The following AKAP19 variants were observed in gnomAD, a reference collection of about 807,000 sequenced individuals.
AKAP19 encodes the protein A-kinase anchoring protein 19.
At chr2:190,124,476 C>T in the AKAP19 span, among the ~76,000 whole-genome samples, 2 of 152,154 alleles carry the variant, frequency 1.3e-5, no homozygotes, top group Admixed American at 1.3e-4. Flanking sequence ...TGGAAAACTA[C>T]AGCATAAAAG....
chr2:190,180,792 G>C, the AKAP19 span: 1 of 985,316 alleles, frequency 1.0e-6, no homozygotes. This position sits in a 1 kb window ranked among gnomAD's most constrained non-coding sequence, Gnocchi z 6.8. Context: ...AGGAGCGCGC[G>C]GCGGGCGCGG....
chr2:189,919,431 T>TAA, the AKAP19 span, among the ~76,000 whole-genome samples: 1 of 145,340 alleles, frequency 6.9e-6, no homozygotes. Context: ...TTCTTTATTC[T>TAA]AAAAAAAAAA....
the AKAP19 span, among the ~76,000 whole-genome samples, chr2:189,897,765 T>A: frequency 0.015 from 2,212 of 152,344 alleles, 56 homozygotes; most frequent in African/African-American, 0.051. Flanking sequence ...AAAGCTTATC[T>A]TCCAACTTCT....
At chr2:189,991,028 C>T in the AKAP19 span, among the ~76,000 whole-genome samples, 1 of 152,116 alleles carries the variant, frequency 6.6e-6, no homozygotes, top group South Asian at 2.1e-4. Context: ...CATTATTTTG[C>T]TCATTTTTAT....
chr2:189,918,901 T>C, the AKAP19 span, among the ~76,000 whole-genome samples: 1 of 152,192 alleles, frequency 6.6e-6, no homozygotes. Flanking sequence ...AACCCAGGTA[T>C]AAATATCACA....
At chr2:190,042,241 G>T in the AKAP19 span, among the ~76,000 whole-genome samples, 1 of 152,050 alleles carries the variant, frequency 6.6e-6, no homozygotes, top group Non-Finnish European at 1.5e-5. Context: ...ATGGCTCAGT[G>T]TTGGGAGGAT....
chr2:190,176,426 C>G, the AKAP19 span, among the ~76,000 whole-genome samples: 3 of 152,134 alleles, frequency 2.0e-5, no homozygotes, highest in Non-Finnish European at 4.4e-5. The surrounding 1 kb of genome is among the most constrained non-coding windows in gnomAD (Gnocchi z 4.7). Flanking sequence ...CGGCTCACTG[C>G]AACCTCCACC....
chr2:190,041,175 G>T, the AKAP19 span, among the ~76,000 whole-genome samples: 1 of 151,946 alleles, frequency 6.6e-6, no homozygotes, highest in Non-Finnish European at 1.5e-5. Flanking sequence ...TTTTAAATTT[G>T]TTTGTGTCTT....
the AKAP19 span, among the ~76,000 whole-genome samples, chr2:189,945,286 G>C: frequency 6.6e-6 from 1 of 152,136 alleles, no homozygotes; most frequent in African/African-American, 2.4e-5. Context: ...AAACAAAACA[G>C]TTCAGAAGCA....
At chr2:190,032,751 T>G in the AKAP19 span, among the ~76,000 whole-genome samples, 1,225 of 152,232 alleles carry the variant, frequency 8.0e-3, 8 homozygotes, top group African/African-American at 0.011. Context: ...AAATGTTTTG[T>G]CTGTCTTTTG....
the AKAP19 span, chr2:190,062,104 C>T: frequency 4.9e-6 from 5 of 1,028,186 alleles, no homozygotes; most frequent in South Asian, 3.2e-5. Flanking sequence ...AACTCTTTTC[C>T]TTTCTACTTA....
the AKAP19 span, among the ~76,000 whole-genome samples, chr2:190,058,592 A>G: frequency 6.6e-6 from 1 of 152,018 alleles, no homozygotes; most frequent in South Asian, 2.1e-4. Flanking sequence ...TTGTAAAGAT[A>G]TGGAACCAGC....
the AKAP19 span, among the ~76,000 whole-genome samples, chr2:189,953,008 G>A: frequency 6.6e-6 from 1 of 152,164 alleles, no homozygotes; most frequent in Non-Finnish European, 1.5e-5. Context: ...TTAAAAATAG[G>A]AGGTCAGGTG....
chr2:190,040,411 A>G, the AKAP19 span, among the ~76,000 whole-genome samples: 2 of 152,082 alleles, frequency 1.3e-5, no homozygotes, highest in Non-Finnish European at 2.9e-5. Flanking sequence ...TACATGCTGG[A>G]TATTAGACTT....
chr2:190,161,198 G>A, the AKAP19 span, among the ~76,000 whole-genome samples: 1 of 152,132 alleles, frequency 6.6e-6, no homozygotes. Context: ...TGCTTGAAGA[G>A]AGACCTCATG....
chr2:190,131,910 TC>T, the AKAP19 span, among the ~76,000 whole-genome samples: 1 of 152,084 alleles, frequency 6.6e-6, no homozygotes, highest in African/African-American at 2.4e-5. Context: ...ATCACAGCAG[TC>T]TCATATATAG....
chr2:189,950,327 CTTTTTTGTTTTTT>C, the AKAP19 span, among the ~76,000 whole-genome samples: 30 of 108,106 alleles, frequency 2.8e-4, no homozygotes, highest in African/African-American at 5.8e-4. Context: ...GGCGCCCAGC[CTTTTTTGTTTTTT>C]TTTTTTGTTT....
chr2:190,133,865 G>T, the AKAP19 span, among the ~76,000 whole-genome samples: 1 of 152,052 alleles, frequency 6.6e-6, no homozygotes, highest in African/African-American at 2.4e-5. Context: ...AGGAAATGTT[G>T]GTCAAGGATA....
At chr2:190,066,903 G>A in the AKAP19 span, among the ~76,000 whole-genome samples, 2 of 152,054 alleles carry the variant, frequency 1.3e-5, no homozygotes, top group Non-Finnish European at 2.9e-5. Context: ...ATAAAACAGC[G>A]AGCCAGACAG....
Sources: gnomAD v4.1 joint callset for allele counts (sites outside exome capture counted in the v4.1 genomes callset) on GRCh38, gnomAD v4.1.1 for gene constraint, Gnocchi (gnomAD v3.1) non-coding constraint, MANE v1.5 for transcripts, NCBI Gene and HGNC (gene_info 2026-07-23, HGNC 2026-07-21) for gene names.